The following HSD17B4 variants were observed in gnomAD, a reference collection of about 807,000 sequenced individuals.
The protein encoded by HSD17B4 is hydroxysteroid 17-beta dehydrogenase 4.
In HSD17B4, 70 loss-of-function variants were observed where a neutral mutation model predicts 101.0. The observed-to-expected ratio is 0.69, with a 90% CI of 0.57 to 0.85. The LOEUF (loss-of-function observed/expected upper bound fraction) is 0.85. Among genes scored for constraint, HSD17B4 ranks in the 40% least tolerant of loss-of-function variants. HSD17B4 has a pLI of 0.00. For missense variants in HSD17B4, 984 were observed against 892.4 expected (o/e 1.10, Z -1.31); for synonymous variants, 347 against 297.1 (o/e 1.17, Z -1.73).
intron 8 of HSD17B4, among the ~76,000 whole-genome samples, chr5:119,482,228 G>A (rs1157505951): frequency 2.0e-5 from 3 of 151,976 alleles, no homozygotes; most frequent in Admixed American, 2.0e-4. Context: ...CAGGAAGTTT[G>A]TATTGACATA....
chr5:119,534,667 A>G (rs1405189759), intron 22 of HSD17B4, among the ~76,000 whole-genome samples: 1 of 152,024 alleles, frequency 6.6e-6, no homozygotes, highest in African/African-American at 2.4e-5. Flanking sequence ...CAAACATTGG[A>G]TTTGGATTGA....
At chr5:119,458,571 A>G (rs1754906856) in intron 2 of HSD17B4, among the ~76,000 whole-genome samples, 1 of 147,704 alleles carries the variant, frequency 6.8e-6, no homozygotes, top group African/African-American at 2.5e-5. Context: ...CTGGTCTTGA[A>G]CTCCTGACCT....
chr5:119,469,939 G>T (rs753018582), intron 2 of HSD17B4, among the ~76,000 whole-genome samples: 1 of 152,158 alleles, frequency 6.6e-6, no homozygotes, highest in Non-Finnish European at 1.5e-5. Context: ...GGGATTGCCA[G>T]ATGGGTTAGT....
At chr5:119,471,155 T>C (rs1482925877) in intron 2 of HSD17B4, among the ~76,000 whole-genome samples, 1 of 152,230 alleles carries the variant, frequency 6.6e-6, no homozygotes, top group Non-Finnish European at 1.5e-5. Context: ...GTTAACTGTC[T>C]TAAAATCTTG....
At chr5:119,463,788 C>G (rs2126643265) in intron 2 of HSD17B4, among the ~76,000 whole-genome samples, 1 of 150,596 alleles carries the variant, frequency 6.6e-6, no homozygotes, top group Non-Finnish European at 1.5e-5. Context: ...CCTGCTTCAG[C>G]CTCCTTAGTA....
chr5:119,518,923 C>T (rs1226523676), intron 17 of HSD17B4, among the ~76,000 whole-genome samples: 1 of 151,934 alleles, frequency 6.6e-6, no homozygotes, highest in Non-Finnish European at 1.5e-5. Context: ...CACTTGAGCT[C>T]AGGAGTTTGA....
intron 2 of HSD17B4, among the ~76,000 whole-genome samples, chr5:119,462,113 C>G (rs747734431): frequency 6.6e-6 from 1 of 152,040 alleles, no homozygotes; most frequent in Non-Finnish European, 1.5e-5. Context: ...CACTTTGGAA[C>G]ATTTTGATAG....
chr5:119,502,191 A>T lies in HSD17B4; in HGVS notation c.1261+99A>T, dbSNP rs957444392. 3 of 795,906 alleles carry T rather than the reference A, an allele frequency of 3.8e-6. No individual in the cohort carries two copies. In the African/African-American group the frequency reaches 5.1e-5, roughly 13 times the overall value. The allele number at this position is 795,906 out of a possible 1,614,324, so 49.3% of individuals were successfully genotyped here. ...TGTTAAACTGGTATAGAGTGACCTA[A>T]TGAAACATATCACAAATTGTTATGC... On this transcript the variant is annotated intron_variant, in intron 14 of 23. Transcript: ENST00000510025.
chr5:119,532,598 T>G (rs1180314273), intron 22 of HSD17B4, among the ~76,000 whole-genome samples: 1 of 152,108 alleles, frequency 6.6e-6, no homozygotes, highest in Non-Finnish European at 1.5e-5. Flanking sequence ...TACTGAGATA[T>G]TTCATAAATA....
At chr5:119,515,883 G>A (rs1449441011) in intron 17 of HSD17B4, among the ~76,000 whole-genome samples, 1 of 152,140 alleles carries the variant, frequency 6.6e-6, no homozygotes, top group African/African-American at 2.4e-5. Flanking sequence ...TAGGAGAAGG[G>A]AGAGGATCAG....
At chr5:119,494,381 C>A (rs1196455637) in intron 11 of HSD17B4, among the ~76,000 whole-genome samples, 1 of 139,054 alleles carries the variant, frequency 7.2e-6, no homozygotes, top group Admixed American at 7.4e-5. Context: ...TTCTTTCTTT[C>A]TTTCTTTCTC....
At chr5:119,539,167 C>T (rs1754770580) in intron 23 of HSD17B4, among the ~76,000 whole-genome samples, 1 of 151,990 alleles carries the variant, frequency 6.6e-6, no homozygotes, top group Admixed American at 6.6e-5. Flanking sequence ...AGCACTACAA[C>T]CTCAATAGAA....
intron 8 of HSD17B4, among the ~76,000 whole-genome samples, chr5:119,480,438 C>T (rs1294495015): frequency 6.6e-6 from 1 of 151,868 alleles, no homozygotes; most frequent in Admixed American, 6.6e-5. Context: ...TCTGTGATGC[C>T]CCACAAGCCA....
At chr5:119,540,999 T>C (rs1754943151) in intron 23 of HSD17B4, among the ~76,000 whole-genome samples, 1 of 152,216 alleles carries the variant, frequency 6.6e-6, no homozygotes, top group Non-Finnish European at 1.5e-5. Context: ...TGTATGTAGG[T>C]ATCACTATTT....
At chr5:119,514,544 A>AT (rs1298384753) in intron 16 of HSD17B4, among the ~76,000 whole-genome samples, 1 of 152,186 alleles carries the variant, frequency 6.6e-6, no homozygotes, top group Non-Finnish European at 1.5e-5. Context: ...TAATTCAAAT[A>AT]TTTTTGGTAA....
intron 2 of HSD17B4, among the ~76,000 whole-genome samples, chr5:119,466,374 T>G (rs889862357): frequency 6.6e-6 from 1 of 152,196 alleles, no homozygotes; most frequent in Non-Finnish European, 1.5e-5. Context: ...TGAAATAGTT[T>G]GAGAGGAATT....
At chr5:119,480,914 A>G (rs73246567) in intron 8 of HSD17B4, among the ~76,000 whole-genome samples, 4,320 of 152,298 alleles carry the variant, frequency 0.028, 182 homozygotes, top group African/African-American at 0.095. Context: ...AAGAAGAGAA[A>G]TAATGGCTCT....
intron 1 of HSD17B4, among the ~76,000 whole-genome samples, chr5:119,454,282 C>A (rs1754370868): frequency 1.3e-5 from 2 of 152,030 alleles, no homozygotes; most frequent in African/African-American, 4.8e-5. Flanking sequence ...GTTAAATTCT[C>A]TCTTACCCAT....
chr5:119,528,794 A>T (rs966906210), intron 20 of HSD17B4, among the ~76,000 whole-genome samples: 3 of 152,118 alleles, frequency 2.0e-5, no homozygotes, highest in Non-Finnish European at 4.4e-5. Flanking sequence ...GTTAAATTCT[A>T]AGCATGCTGT....
Sources: gnomAD v4.1 joint callset for allele counts (sites outside exome capture counted in the v4.1 genomes callset) on GRCh38, gnomAD v4.1.1 for gene constraint, MANE v1.5 for transcripts, NCBI Gene and HGNC (gene_info 2026-07-23, HGNC 2026-07-21) for gene names.